MAPK6: variants seen among roughly 807,000 people sequenced by gnomAD.
The protein encoded by MAPK6 is mitogen-activated protein kinase 6.
A neutral mutation model predicts 59.3 loss-of-function variants in MAPK6; 19 were observed. The ratio of observed to expected loss-of-function variants is 0.32; its 90% CI spans 0.22 to 0.47. The LOEUF is 0.47. Ranked by LOEUF, MAPK6 falls within the 20% of genes least tolerant of loss-of-function variation. The probability of loss-of-function intolerance (pLI) is 1.00; values close to 1 mark genes in which losing one functional copy is unlikely to be tolerated. For missense variants in MAPK6, 724 were observed against 847.9 expected (o/e 0.85, Z 1.81); for synonymous variants, 316 against 290.3 (o/e 1.09, Z -0.90).
rs1013250910 is a variant in MAPK6, at chr15:52,020,517, A to G, written c.-632+1141A>G. 3.9e-5 allele frequency among the ~76,000 whole-genome samples: 6 copies of G among 152,248 alleles called. No homozygotes were observed. The South Asian group carries it at 6.2e-4, about 16-fold the overall frequency. ...AGGGGAAAAATTAACACGCCATACA[A>G]TGAAGAGCAAGCAGCTTCAGAGTAA... On this transcript the variant is annotated intron_variant, in intron 1 of 5. Transcript: ENST00000261845.
intron 3 of MAPK6, among the ~76,000 whole-genome samples, chr15:52,012,919 G>A (rs1379471411): frequency 2.0e-5 from 3 of 147,284 alleles, no homozygotes; most frequent in African/African-American, 7.6e-5. Flanking sequence ...CCCGGGAGGC[G>A]GAGGTTGCAG....
chr15:52,009,105 C>G (rs1319520584), intron 3 of MAPK6, among the ~76,000 whole-genome samples: 1 of 152,200 alleles, frequency 6.6e-6, no homozygotes, highest in Non-Finnish European at 1.5e-5. Flanking sequence ...CCTTCTTCCT[C>G]AAAGGACAGG....
intron 2 of MAPK6, among the ~76,000 whole-genome samples, chr15:51,984,516 G>T (rs2554340): frequency 3.0e-4 from 43 of 141,570 alleles, no homozygotes; most frequent in African/African-American, 1.0e-3. Context: ...TGTTAGCCAG[G>T]ATGGTCTTGA....
Position 52,046,607 on chromosome 15 carries a change from G to T in MAPK6, c.147G>T (p.Lys49Asn). 6.2e-7 allele frequency: 1 copy of T among 1,614,194 alleles called. No homozygotes were observed. Among genetic ancestry groups the T allele is most frequent in the Non-Finnish European group, 8.5e-7 (1 of 1,180,024 alleles). ...DNDCDKRVAI[K>N]KIVLTDPQSV... is the part of the protein sequence containing the mutation. Reference sequence around the variant, plus strand: ...ACTGTGACAAAAGAGTAGCCATCAAGAAAATTGTCCTTACTGATCCCCAGA... The same window carrying T: ...ACTGTGACAAAAGAGTAGCCATCAATAAAATTGTCCTTACTGATCCCCAGA... Residue 49 changes from lysine (K) to asparagine (N), a missense_variant, in exon 2 of 6, where the codon AAG becomes AAT. Lys to Asn is a moderately conservative substitution (Grantham distance 94). Around this residue, in one of 4 missense-constraint regions of MAPK6, gnomAD observed 87 missense variants for 93.0 expected, o/e 0.93. Transcript: ENST00000261845.
chr15:52,019,231 C>G lies in MAPK6; in HGVS notation c.-777C>G, dbSNP rs2030385596. 2 of 152,066 alleles carry G rather than the reference C, an allele frequency of 1.3e-5. No homozygotes were observed. Among genetic ancestry groups the G allele is most frequent in the South Asian group, 2.1e-4 (1 of 4,826 alleles). 9.4% of individuals were successfully genotyped at this position (152,066 alleles called of 1,614,324 possible). Reference sequence around the variant, plus strand: ...AGCCCCGCCCCCTCTTCCTCGCCCTCTCTCGCGGGTCGGGGTTACATGGCG... The same window carrying G: ...AGCCCCGCCCCCTCTTCCTCGCCCTGTCTCGCGGGTCGGGGTTACATGGCG... On this transcript the variant is annotated 5_prime_UTR_variant, in exon 1 of 6. Transcript: ENST00000261845.
chr15:52,051,372 T>C (rs2031773745), intron 3 of MAPK6, among the ~76,000 whole-genome samples: 1 of 151,982 alleles, frequency 6.6e-6, no homozygotes, highest in Admixed American at 6.6e-5. Context: ...TACCCATTTT[T>C]AGAGTGGTTC....
intron 1 of MAPK6, among the ~76,000 whole-genome samples, chr15:52,027,349 C>CAA (rs71130120): frequency 0.023 from 1,130 of 49,186 alleles, 94 homozygotes; most frequent in African/African-American, 0.093. Context: ...GACTCCCTCT[C>CAA]AAAAAAAAAA....
chr15:52,048,326 A>AT (rs995797056), intron 2 of MAPK6, among the ~76,000 whole-genome samples: 1 of 151,854 alleles, frequency 6.6e-6, no homozygotes, highest in African/African-American at 2.4e-5. Flanking sequence ...ACATTAAGGT[A>AT]TTTTTACTTG....
chr15:51,980,601 AT>A (rs1177887440), intron 1 of MAPK6, among the ~76,000 whole-genome samples: 1 of 148,854 alleles, frequency 6.7e-6, no homozygotes, highest in East Asian at 2.0e-4. Flanking sequence ...TACAGAAGCT[AT>A]TTTTTTTAGA....
At chr15:52,017,122 TC>T, upstream of MAPK6, 1 of 152,980 alleles carries the variant, frequency 6.5e-6, no homozygotes, top group Non-Finnish European at 1.5e-5. Context: ...ATCCTTGACC[TC>T]CCCTTTGTCT....
chr15:52,033,550 A>G (rs1019275607), intron 1 of MAPK6, among the ~76,000 whole-genome samples: 7 of 152,192 alleles, frequency 4.6e-5, no homozygotes, highest in Non-Finnish European at 1.5e-5. Flanking sequence ...TCCAGCCTTC[A>G]GCCACAGATT....
chr15:52,019,325 A>C lies in MAPK6; in HGVS notation c.-683A>C, dbSNP rs966440932. Reference sequence around the variant, plus strand: ...AGCACAGCCGGAGACCTGAGCCGACACTGGGGGCAGTCCGCGAGCCCCGCA... The same window carrying C: ...AGCACAGCCGGAGACCTGAGCCGACCCTGGGGGCAGTCCGCGAGCCCCGCA... On this transcript the variant is annotated 5_prime_UTR_variant, in exon 1 of 6. Coordinates refer to ENST00000261845, the MANE Select transcript of MAPK6 (RefSeq NM_002748.4). 1.3e-5 allele frequency: 2 copies of C among 152,256 alleles called. No homozygotes were observed. The highest frequency in any genetic ancestry group is 1.5e-5 in the Non-Finnish European group (1 of 67,858). 9.4% of individuals were successfully genotyped at this position (152,256 alleles called of 1,614,324 possible).
chr15:52,004,494 T>C (rs2057251828), intron 3 of MAPK6: 1 of 152,246 alleles, frequency 6.6e-6, no homozygotes, highest in Non-Finnish European at 1.5e-5. Flanking sequence ...CCCTCTCAGC[T>C]ACACCCATGT....
chr15:51,978,032 T>A (rs1327706978), intron 1 of MAPK6, among the ~76,000 whole-genome samples: 1 of 151,894 alleles, frequency 6.6e-6, no homozygotes, highest in Admixed American at 6.6e-5. Context: ...GTCTATGAAT[T>A]GTCCACCAAA....
chr15:52,028,688 G>A (rs2030910209), intron 1 of MAPK6, among the ~76,000 whole-genome samples: 2 of 152,104 alleles, frequency 1.3e-5, no homozygotes, highest in Non-Finnish European at 2.9e-5. Context: ...CAACACTATT[G>A]GACAGCACTA....
intron 2 of MAPK6, among the ~76,000 whole-genome samples, chr15:52,048,613 CAAA>C (rs2031672472): frequency 6.6e-6 from 1 of 151,984 alleles, no homozygotes; most frequent in African/African-American, 2.4e-5. Flanking sequence ...CATTTCCAAA[CAAA>C]AAAGATATTT....
At chr15:52,041,787 G>A (rs74695517) in intron 1 of MAPK6, among the ~76,000 whole-genome samples, 20 of 152,262 alleles carry the variant, frequency 1.3e-4, no homozygotes, top group Middle Eastern at 3.4e-3. Flanking sequence ...TGGCTACCAG[G>A]CACACACATC....
rs1425444101 is a variant in MAPK6 at position 52,065,918 on chromosome 15, AAATT to A, written c.*924_*927del. Reference sequence around the variant, plus strand: ...AGGTGCTTGATCTATCTACAAAGAAAAATTAATTAGGAATTACTTTATTATAAAA... The same window carrying A: ...AGGTGCTTGATCTATCTACAAAGAAAAATTAGGAATTACTTTATTATAAAA... On this transcript the variant is annotated 3_prime_UTR_variant, in exon 6 of 6. Coordinates refer to ENST00000261845, the MANE Select transcript of MAPK6 (RefSeq NM_002748.4). The A allele has an allele frequency of 6.6e-6, 1 of 152,600 alleles. No homozygotes were observed. Among genetic ancestry groups the A allele is most frequent in the African/African-American group, 2.4e-5 (1 of 41,444 alleles). The allele number at this position is 152,600 out of a possible 1,614,324, so 9.5% of individuals were successfully genotyped here.
intron 1 of MAPK6, among the ~76,000 whole-genome samples, chr15:52,037,164 G>A (rs1361383893): frequency 6.6e-6 from 1 of 152,144 alleles, no homozygotes; most frequent in Non-Finnish European, 1.5e-5. Context: ...GTTGAACGTG[G>A]TGTGTGCCTA....
Sources: allele counts gnomAD v4.1 joint callset (sites outside exome capture counted in the v4.1 genomes callset), GRCh38; gene constraint gnomAD v4.1.1; regional missense constraint gnomAD v4.1.1; transcripts MANE v1.5; gene names NCBI Gene and HGNC (gene_info 2026-07-23, HGNC 2026-07-21).